SLC35A1: variants seen among roughly 807,000 people sequenced by gnomAD.
The protein encoded by SLC35A1 is CMP-sialic acid transporter.
Under a neutral mutation model 40.3 loss-of-function variants are expected in SLC35A1, and 21 were observed. The observed-to-expected ratio is 0.52, with a 90% CI of 0.37 to 0.75. SLC35A1 has a LOEUF of 0.75. SLC35A1 is among the 30% of genes least tolerant of loss of function. The pLI, the probability that SLC35A1 is intolerant of heterozygous loss-of-function variation, is 0.00. For synonymous variants in SLC35A1, 146 were observed against 147.3 expected, an observed-to-expected ratio of 0.99 and a Z score of 0.06; for missense variants, 297 against 382.1, an observed-to-expected ratio of 0.78 and a Z score of 1.86.
At chr6:87,510,345 AG>A (rs1438888761) in intron 7 of SLC35A1, among the ~76,000 whole-genome samples, 3 of 152,216 alleles carry the variant, frequency 2.0e-5, no homozygotes, top group African/African-American at 7.2e-5. Context: ...AGAAATATAT[AG>A]GAACAGTAGA....
At position 87,498,933 on chromosome 6, in the gene SLC35A1, T is replaced by C. The variant is rs1004955241; in HGVS notation, c.195-1575T>C. On this transcript the variant is annotated intron_variant, in intron 2 of 7. Coordinates refer to ENST00000369552, the MANE Select transcript of SLC35A1 (RefSeq NM_006416.5). Reference sequence around the variant, plus strand: ...ATTTTTTGGTGGAAAATCTGTGGTATTTTTGGTATTCTTCTGCTTTTCGAA... The same window carrying C: ...ATTTTTTGGTGGAAAATCTGTGGTACTTTTGGTATTCTTCTGCTTTTCGAA... Among the ~76,000 whole-genome samples the C allele has an allele frequency of 2.6e-5, 4 of 152,206 alleles. No homozygotes were observed. In the East Asian group the frequency reaches 7.7e-4, roughly 29 times the overall value.
intron 2 of SLC35A1, among the ~76,000 whole-genome samples, chr6:87,489,689 G>A (rs1769489216): frequency 6.6e-6 from 1 of 151,820 alleles, no homozygotes; most frequent in Non-Finnish European, 1.5e-5. Context: ...CTACAGGCAT[G>A]TGCCACCACG....
intron 2 of SLC35A1, among the ~76,000 whole-genome samples, chr6:87,487,022 C>A (rs1769410855): frequency 1.3e-5 from 2 of 151,830 alleles, no homozygotes; most frequent in South Asian, 4.1e-4. Context: ...ACTAAAAATA[C>A]AAAAATTAGC....
chr6:87,510,534 G>A (rs942697821), intron 7 of SLC35A1, among the ~76,000 whole-genome samples: 26 of 152,142 alleles, frequency 1.7e-4, no homozygotes, highest in African/African-American at 5.3e-4. Flanking sequence ...ATATTTATTT[G>A]TCAAGTTAGG....
At chr6:87,509,008 A>G (rs773250522) in intron 6 of SLC35A1, 33 bp from the exon 7 acceptor site, 1 of 1,611,102 alleles carries the variant, frequency 6.2e-7, no homozygotes, top group Non-Finnish European at 8.5e-7. Flanking sequence ...CATTTATTTG[A>G]GTGATAAGAT....
chr6:87,492,029 T>C (rs966223057), intron 2 of SLC35A1, among the ~76,000 whole-genome samples: 36 of 152,332 alleles, frequency 2.4e-4, no homozygotes, highest in African/African-American at 8.7e-4. Context: ...TGTGTGAACA[T>C]GTATAGAATT....
rs373488127 is a variant in SLC35A1, at chr6:87,500,637, T to C, written c.324T>C (p.Ala108=). Reference sequence around the variant, plus strand: ...TTCAGAACAACATGGCTTTCCTAGCTCTTAGCAATCTGGATGCAGCAGTGT... The same window carrying C: ...TTCAGAACAACATGGCTTTCCTAGCCCTTAGCAATCTGGATGCAGCAGTGT... ...YAVQNNMAFL[A]LSNLDAAVYQ... is the part of the protein sequence containing the mutation. The change falls in exon 3 of 8, where the codon GCT becomes GCC. Residue 108 remains alanine (A), a synonymous_variant. Transcript: ENST00000369552. 2.5e-6 allele frequency: 4 copies of C among 1,614,036 alleles called. No homozygotes were observed. The highest frequency in any genetic ancestry group is 3.4e-6 in the Non-Finnish European group (4 of 1,180,024).
intron 5 of SLC35A1, 126 bp downstream of exon 5, chr6:87,506,574 A>G (rs1770089321): frequency 2.5e-6 from 2 of 806,670 alleles, no homozygotes; most frequent in East Asian, 5.1e-5. Context: ...TCTTGCTTAT[A>G]TTTAGTTTTA....
chr6:87,505,988 AAAT>A (rs1770069633), intron 4 of SLC35A1, among the ~76,000 whole-genome samples: 1 of 152,228 alleles, frequency 6.6e-6, no homozygotes, highest in Non-Finnish European at 1.5e-5. Context: ...GATGAGGAAT[AAAT>A]AAGTTAAATT....
At chr6:87,502,682 A>T (rs1170494651) in intron 4 of SLC35A1, among the ~76,000 whole-genome samples, 1 of 152,228 alleles carries the variant, frequency 6.6e-6, no homozygotes, top group Non-Finnish European at 1.5e-5. Flanking sequence ...AAATGTCATT[A>T]TGTGGTACAT....
Position 87,508,743 on chromosome 6 carries a change from A to C in SLC35A1, c.751+147A>C. 2.6e-5 allele frequency: 23 copies of C among 872,664 alleles called. No individual in the cohort carries two copies. In the South Asian group the frequency reaches 3.7e-4, roughly 14 times the overall value. The allele number at this position is 872,664 out of a possible 1,614,324, so 54.1% of individuals were successfully genotyped here. A position where few individuals can be genotyped will look rare whatever the true frequency, so the allele number is the denominator to read the frequency against. ...AATATAATTTTCATTTTGTTGACTT[A>C]GTTTTGATTGTGAAGGCAAAATTGC... On this transcript the variant is annotated intron_variant, in intron 6 of 7. Transcript: ENST00000369552.
At chr6:87,489,673 C>T (rs1769488422) in intron 2 of SLC35A1, among the ~76,000 whole-genome samples, 1 of 151,066 alleles carries the variant, frequency 6.6e-6, no homozygotes, top group African/African-American at 2.4e-5. Context: ...TCCTGACTAG[C>T]TGGGACTACA....
At chr6:87,477,266 G>A (rs1769103587) in intron 1 of SLC35A1, 96 bp from the exon 2 acceptor site, 1 of 1,156,258 alleles carries the variant, frequency 8.6e-7, no homozygotes, top group Non-Finnish European at 1.2e-6. Context: ...TTTTGTGCTT[G>A]GAATTGGAAA....
chr6:87,509,248 T>C (rs1224373062), intron 7 of SLC35A1, 73 bp downstream of exon 7: 1 of 1,582,716 alleles, frequency 6.3e-7, no homozygotes, highest in African/African-American at 1.3e-5. Context: ...AATCCCTTAT[T>C]TAAAAGTGGC....
At chr6:87,507,738 G>C (rs1770131296) in intron 5 of SLC35A1, among the ~76,000 whole-genome samples, 1 of 151,996 alleles carries the variant, frequency 6.6e-6, no homozygotes, top group African/African-American at 2.4e-5. Context: ...TCCAGAGATA[G>C]GGGACTTTTG....
intron 2 of SLC35A1, among the ~76,000 whole-genome samples, chr6:87,488,704 G>C (rs1769458452): frequency 6.6e-6 from 1 of 152,200 alleles, no homozygotes; most frequent in South Asian, 2.1e-4. Flanking sequence ...TAGCTCCATG[G>C]ATTGTTCTTG....
In SLC35A1 at chr6:87,511,232, C is replaced by T. The variant is rs560298114; in HGVS notation, c.887-167C>T. On this transcript the variant is annotated intron_variant, in intron 7 of 7. Transcript: ENST00000369552. ...TTGATTTTACCCGCCCTGCCTCCCC[C>T]TCTCCTTTTTTTTGGCTGTAATGGA... Among the ~76,000 whole-genome samples the T allele has an allele frequency of 9.8e-4, 149 of 152,178 alleles. 1 individual carries two copies. The South Asian group carries it at 0.029, about 30-fold the overall frequency.
intron 2 of SLC35A1, among the ~76,000 whole-genome samples, chr6:87,493,643 T>C (rs1233181948): frequency 2.0e-5 from 3 of 152,206 alleles, no homozygotes; most frequent in African/African-American, 4.8e-5. Flanking sequence ...AATCCTAGAA[T>C]AGATAAGGAG....
chr6:87,499,835 G>T (rs1769863596), intron 2 of SLC35A1, among the ~76,000 whole-genome samples: 1 of 152,082 alleles, frequency 6.6e-6, no homozygotes, highest in Non-Finnish European at 1.5e-5. Context: ...TTAAAAATAG[G>T]CCAGGTGCAG....
Sources: gnomAD v4.1 joint callset for allele counts (sites outside exome capture counted in the v4.1 genomes callset) on GRCh38, gnomAD v4.1.1 for gene constraint, MANE v1.5 for transcripts, NCBI Gene and HGNC (gene_info 2026-07-23, HGNC 2026-07-21) for gene names.